Variants in KDM2A observed in about 807,000 individuals in gnomAD.
The protein encoded by KDM2A is lysine demethylase 2A, also known as lysine-specific demethylase 2A.
Under a neutral mutation model 137.3 loss-of-function variants are expected in KDM2A, and 3 were observed. The ratio of observed to expected loss-of-function variants is 0.02; its 90% CI spans 0.01 to 0.06. KDM2A has a LOEUF of 0.06. KDM2A is among the 10% of genes least tolerant of loss of function. The pLI, the probability that KDM2A is intolerant of heterozygous loss-of-function variation, is 1.00. For missense variants in KDM2A, 738 were observed against 1,510.6 expected, an observed-to-expected ratio of 0.49 and a Z score of 8.48; for synonymous variants, 512 against 541.5, an observed-to-expected ratio of 0.95 and a Z score of 0.76.
intron 2 of KDM2A, among the ~76,000 whole-genome samples, chr11:67,123,279 T>C (rs1337742148): frequency 4.8e-5 from 6 of 125,316 alleles, no homozygotes; most frequent in African/African-American, 2.1e-4. Flanking sequence ...ACCTGGCTTT[T>C]TTTTTTTTTT....
At chr11:67,244,899 T>C (rs1233696360) in intron 13 of KDM2A, among the ~76,000 whole-genome samples, 1 of 147,896 alleles carries the variant, frequency 6.8e-6, no homozygotes, top group African/African-American at 2.5e-5. Flanking sequence ...GGCAGGAGAA[T>C]GGCGGGAACC....
At position 67,245,112 on chromosome 11, in the gene KDM2A, T is replaced by A; in HGVS notation, c.1564-77T>A. 6.6e-7 allele frequency: 1 copy of A among 1,524,872 alleles called. No homozygotes were observed. Among genetic ancestry groups the A allele is most frequent in the African/African-American group, 1.4e-5 (1 of 73,268 alleles). The allele number at this position is 1,524,872 out of a possible 1,614,324, so 94.5% of individuals were successfully genotyped here. ...AGTGGGCCAAGCCCCAGGCTAGGTATGCTACCATGTAATCTTCTACCCTAT... is the reference window on the plus strand; with the variant it reads ...AGTGGGCCAAGCCCCAGGCTAGGTAAGCTACCATGTAATCTTCTACCCTAT... On this transcript the variant is annotated intron_variant, in intron 13 of 20. Transcript: ENST00000529006. The surrounding 1 kb of genome is among the most constrained non-coding windows in gnomAD (Gnocchi z 4.1).
At chr11:67,196,632 T>C in intron 5 of KDM2A, 1 of 364,506 alleles carries the variant, frequency 2.7e-6, no homozygotes, top group East Asian at 7.4e-5. Context: ...CACAAAAATA[T>C]AAATACTGTG....
intron 5 of KDM2A, among the ~76,000 whole-genome samples, chr11:67,204,891 G>T (rs903669606): frequency 6.6e-6 from 1 of 152,054 alleles, no homozygotes; most frequent in Non-Finnish European, 1.5e-5. Context: ...ACCACATTTT[G>T]TTTATTCATA....
chr11:67,251,047 AGGGAGACTGATTTGC>A (rs1221826020), intron 17 of KDM2A, among the ~76,000 whole-genome samples: 4 of 152,044 alleles, frequency 2.6e-5, no homozygotes, highest in Admixed American at 2.0e-4. Flanking sequence ...TGTTATGGGG[AGGGAGACTGATTTGC>A]GGGATAGATT....
At chr11:67,185,971 C>T (rs185576602) in intron 5 of KDM2A, among the ~76,000 whole-genome samples, 2 of 152,046 alleles carry the variant, frequency 1.3e-5, no homozygotes, top group Admixed American at 1.3e-4. Flanking sequence ...TCAACAGCAA[C>T]ACAAAATGGA....
At chr11:67,151,498 G>T (rs555008803) in intron 2 of KDM2A, among the ~76,000 whole-genome samples, 160 of 152,078 alleles carry the variant, frequency 1.1e-3, no homozygotes, top group Non-Finnish European at 1.5e-3. Context: ...ACAGGTGTCT[G>T]CCATAATGCC....
At chr11:67,198,444 C>T (rs976842094) in intron 5 of KDM2A, among the ~76,000 whole-genome samples, 4 of 151,840 alleles carry the variant, frequency 2.6e-5, no homozygotes, top group African/African-American at 7.3e-5. Context: ...TTCATTATGC[C>T]GGGCGCAATG....
chr11:67,143,944 A>ATT (rs560706398), intron 2 of KDM2A, among the ~76,000 whole-genome samples: 20 of 142,938 alleles, frequency 1.4e-4, no homozygotes, highest in African/African-American at 4.6e-4. Flanking sequence ...AAAAAAAACT[A>ATT]TTTTTTTTTT....
chr11:67,133,507 A>G (rs1418600276), intron 2 of KDM2A, among the ~76,000 whole-genome samples: 1 of 151,994 alleles, frequency 6.6e-6, no homozygotes, highest in Non-Finnish European at 1.5e-5. Context: ...GGTTCAGGTG[A>G]TTCTTCTGTC....
intron 19 of KDM2A, 110 bp downstream of exon 19, chr11:67,253,721 T>A (rs1859512178): frequency 8.8e-7 from 1 of 1,136,878 alleles, no homozygotes; most frequent in Non-Finnish European, 1.3e-6. Context: ...TGTGGAAGAA[T>A]AGAAGAGCAC....
chr11:67,132,937 G>A (rs1227421600), intron 2 of KDM2A, among the ~76,000 whole-genome samples: 1 of 152,128 alleles, frequency 6.6e-6, no homozygotes, highest in Non-Finnish European at 1.5e-5. Context: ...AGGTAGAAAT[G>A]GAAAGGAAGA....
intron 2 of KDM2A, among the ~76,000 whole-genome samples, chr11:67,122,324 A>G (rs1855614955): frequency 6.6e-6 from 1 of 152,066 alleles, no homozygotes; most frequent in South Asian, 2.1e-4. Context: ...AGACTTCTTT[A>G]TTATTTATTT....
At chr11:67,132,223 C>G (rs977438756) in intron 2 of KDM2A, 3 of 152,192 alleles carry the variant, frequency 2.0e-5, no homozygotes, top group African/African-American at 7.2e-5. Context: ...CTGCTGATAA[C>G]GTTGGGTAGA....
chr11:67,202,543 C>T (rs529382401), intron 5 of KDM2A, among the ~76,000 whole-genome samples: 34 of 152,004 alleles, frequency 2.2e-4, no homozygotes, highest in South Asian at 1.9e-3. Flanking sequence ...GAGGCTGAGG[C>T]GGGTGGATCA....
At chr11:67,218,710 A>G (rs1231817273) in intron 9 of KDM2A, among the ~76,000 whole-genome samples, 1 of 152,154 alleles carries the variant, frequency 6.6e-6, no homozygotes, top group Non-Finnish European at 1.5e-5. Context: ...GTCCCAGTTC[A>G]AGCAATTCTC....
chr11:67,256,816 C>T lies in KDM2A; in HGVS notation c.*1761C>T, dbSNP rs1859630592. On this transcript the variant is annotated 3_prime_UTR_variant, in exon 21 of 21. Coordinates refer to ENST00000529006, the MANE Select transcript of KDM2A (RefSeq NM_012308.3). ...GTAGGGGGTGGCATTTTGTTTGTTT[C>T]TTCCAATCTGCTGAATCTTTTGACT... 6.6e-6 allele frequency: 1 copy of T among 152,646 alleles called. No homozygotes were observed. The highest frequency in any genetic ancestry group is 2.4e-5 in the African/African-American group (1 of 41,452). The allele number at this position is 152,646 out of a possible 1,614,324, so 9.5% of individuals were successfully genotyped here. A position where few individuals can be genotyped will look rare whatever the true frequency, so the allele number is the denominator to read the frequency against.
chr11:67,132,899 A>C (rs991506966), intron 2 of KDM2A, among the ~76,000 whole-genome samples: 4 of 152,168 alleles, frequency 2.6e-5, no homozygotes, highest in Admixed American at 2.6e-4. Context: ...ATCCACGCAA[A>C]AGTTTGAGAA....
intron 2 of KDM2A, among the ~76,000 whole-genome samples, chr11:67,144,276 G>A (rs1417248847): frequency 7.0e-6 from 1 of 142,784 alleles, no homozygotes; most frequent in African/African-American, 2.6e-5. Flanking sequence ...TTTCAAGACA[G>A]AGTCTCACTC....
Sources: gnomAD v4.1 joint callset for allele counts (sites outside exome capture counted in the v4.1 genomes callset) on GRCh38, gnomAD v4.1.1 for gene constraint, Gnocchi (gnomAD v3.1) non-coding constraint, MANE v1.5 for transcripts, NCBI Gene and HGNC (gene_info 2026-07-23, HGNC 2026-07-21) for gene names.